Variants in EBF1 observed in about 807,000 individuals in gnomAD.
EBF1 encodes the protein EBF transcription factor 1, also known as transcription factor COE1.
Under a neutral mutation model 68.4 loss-of-function variants are expected in EBF1, and 10 were observed. The observed-to-expected ratio is 0.15, with a 90% CI of 0.09 to 0.25. EBF1 has a LOEUF of 0.25. EBF1 is among the 10% of genes least tolerant of loss of function. The pLI, the probability that EBF1 is intolerant of heterozygous loss-of-function variation, is 1.00. For missense variants in EBF1, 509 were observed against 794.4 expected (o/e 0.64, Z 4.32); for synonymous variants, 298 against 299.8 (o/e 0.99, Z 0.06).
intron 6 of EBF1, among the ~76,000 whole-genome samples, chr5:159,047,365 C>T (rs2127798962): frequency 6.6e-6 from 1 of 152,298 alleles, no homozygotes; most frequent in African/African-American, 2.4e-5. Flanking sequence ...TTCGAATTCT[C>T]AAAAGCTTAC....
intron 6 of EBF1, among the ~76,000 whole-genome samples, chr5:159,033,426 T>C (rs1486709181): frequency 6.6e-6 from 1 of 152,252 alleles, no homozygotes; most frequent in Non-Finnish European, 1.5e-5. Flanking sequence ...TGGCTTCCTT[T>C]CCTTGACCTA....
chr5:158,829,628 C>T (rs1235143531), intron 7 of EBF1, among the ~76,000 whole-genome samples: 1 of 151,984 alleles, frequency 6.6e-6, no homozygotes, highest in Admixed American at 6.6e-5. Flanking sequence ...TTTCTGTAAA[C>T]CTAAAACTGC....
At chr5:159,094,496 C>T (rs1049222538) in intron 4 of EBF1, among the ~76,000 whole-genome samples, 2 of 152,018 alleles carry the variant, frequency 1.3e-5, no homozygotes, top group Admixed American at 6.6e-5. Flanking sequence ...TTTTAAAATG[C>T]CCAACAGCTT....
At chr5:158,925,404 G>A (rs538256027) in intron 6 of EBF1, among the ~76,000 whole-genome samples, 1 of 152,170 alleles carries the variant, frequency 6.6e-6, no homozygotes, top group African/African-American at 2.4e-5. Context: ...AATGAATGGT[G>A]CATAACTGGA....
chr5:158,870,338 C>T (rs968864521), intron 6 of EBF1, among the ~76,000 whole-genome samples: 2 of 152,128 alleles, frequency 1.3e-5, no homozygotes, highest in African/African-American at 4.8e-5. Context: ...TTAGCATCTG[C>T]TATAGACTGT....
intron 15 of EBF1, among the ~76,000 whole-genome samples, chr5:158,700,916 G>C (rs1021040381): frequency 6.6e-6 from 1 of 152,108 alleles, no homozygotes; most frequent in Non-Finnish European, 1.5e-5. Flanking sequence ...AGATCAGTTG[G>C]AAATGCAGTC....
intron 5 of EBF1, among the ~76,000 whole-genome samples, chr5:159,083,975 C>T (rs1040452512): frequency 2.0e-5 from 3 of 152,234 alleles, no homozygotes; most frequent in South Asian, 2.1e-4. Flanking sequence ...ATTTGGTCTA[C>T]TTGCCTGTTT....
intron 6 of EBF1, among the ~76,000 whole-genome samples, chr5:159,044,999 A>ATTTAATTGGT (rs1772050692): frequency 6.6e-6 from 1 of 152,204 alleles, no homozygotes; most frequent in African/African-American, 2.4e-5. Flanking sequence ...CTTACCAAAT[A>ATTTAATTGGT]CATTTAATCC....
intron 6 of EBF1, among the ~76,000 whole-genome samples, chr5:158,929,450 G>A (rs901925666): frequency 9.2e-5 from 14 of 152,218 alleles, no homozygotes; most frequent in Non-Finnish European, 1.3e-4. Context: ...ATACGAAGAA[G>A]TCCCTAAAGA....
At chr5:158,713,453 T>C (rs1759917399) in intron 12 of EBF1, among the ~76,000 whole-genome samples, 1 of 152,232 alleles carries the variant, frequency 6.6e-6, no homozygotes, top group Admixed American at 6.5e-5. Flanking sequence ...ACCTTCATAC[T>C]ACCCTACAGT....
At chr5:158,718,252 AGTCACAAAAGATT>A (rs905116123) in intron 11 of EBF1, among the ~76,000 whole-genome samples, 192 of 152,292 alleles carry the variant, frequency 1.3e-3, no homozygotes, top group African/African-American at 4.4e-3. Flanking sequence ...GTTTGATGAG[AGTCACAAAAGATT>A]GTCGCCATCA....
chr5:158,994,038 G>A (rs1434845178), intron 6 of EBF1, among the ~76,000 whole-genome samples: 1 of 152,184 alleles, frequency 6.6e-6, no homozygotes, highest in African/African-American at 2.4e-5. Context: ...AGATGGGTGA[G>A]TTACTTGGGT....
At chr5:158,891,272 A>C (rs1225593756) in intron 6 of EBF1, among the ~76,000 whole-genome samples, 2 of 152,210 alleles carry the variant, frequency 1.3e-5, no homozygotes, top group Non-Finnish European at 2.9e-5. Context: ...CAACTTCTGC[A>C]GTTAGAAAAC....
At chr5:158,867,700 T>G (rs1386045565) in intron 6 of EBF1, among the ~76,000 whole-genome samples, 3 of 152,170 alleles carry the variant, frequency 2.0e-5, no homozygotes. Context: ...TTTATTGGAG[T>G]GTACCAAGAC....
chr5:159,057,863 C>T (rs2127849328), intron 6 of EBF1, among the ~76,000 whole-genome samples: 1 of 152,276 alleles, frequency 6.6e-6, no homozygotes, highest in East Asian at 1.9e-4. Context: ...ATTCATTCTC[C>T]ATATTTGTGA....
intron 6 of EBF1, among the ~76,000 whole-genome samples, chr5:159,035,841 G>C (rs1052473524): frequency 5.9e-5 from 9 of 152,168 alleles, no homozygotes; most frequent in Admixed American, 5.9e-4. Context: ...ATGCACAAAA[G>C]TATTGTGATA....
chr5:158,848,200 T>A (rs1202965172), intron 6 of EBF1, among the ~76,000 whole-genome samples: 2 of 152,170 alleles, frequency 1.3e-5, no homozygotes, highest in Non-Finnish European at 2.9e-5. Flanking sequence ...AGGTTTCCCA[T>A]CTAGTAACAA....
At chr5:158,731,327 C>T (rs1421303139) in intron 10 of EBF1, among the ~76,000 whole-genome samples, 170 bp from the exon 11 acceptor site, 1 of 152,318 alleles carries the variant, frequency 6.6e-6, no homozygotes, top group Non-Finnish European at 1.5e-5. Context: ...TTTCCACCAT[C>T]TGCTTTATAC....
chr5:158,754,831 T>C (rs1485238656), intron 10 of EBF1, among the ~76,000 whole-genome samples: 1 of 152,126 alleles, frequency 6.6e-6, no homozygotes, highest in Non-Finnish European at 1.5e-5. Flanking sequence ...TGACAATGGA[T>C]GAATATTGGA....
Sources: allele counts gnomAD v4.1 joint callset (sites outside exome capture counted in the v4.1 genomes callset), GRCh38; gene constraint gnomAD v4.1.1; transcripts MANE v1.5; gene names NCBI Gene and HGNC (gene_info 2026-07-23, HGNC 2026-07-21).